Variants in SLC9A9 observed in about 807,000 individuals in gnomAD.
SLC9A9 encodes solute carrier family 9 member A9.
SLC9A9 carries 62 observed loss-of-function variants against 77.8 expected under a neutral mutation model. The ratio of observed to expected loss-of-function variants is 0.80; its 90% CI spans 0.65 to 0.98. The LOEUF is 0.98. SLC9A9 is among the 50% of genes least tolerant of loss of function. The pLI is 0.00. For synonymous variants in SLC9A9, 320 were observed against 283.5 expected (o/e 1.13, Z -1.29); for missense variants, 775 against 774.9 (o/e 1.00, Z 0.00).
At chr3:143,664,018 C>A (rs2039022128) in intron 5 of SLC9A9, among the ~76,000 whole-genome samples, 1 of 151,964 alleles carries the variant, frequency 6.6e-6, no homozygotes, top group Admixed American at 6.6e-5. Context: ...AACCCCGAGA[C>A]ACGTAATTGT....
intron 14 of SLC9A9, among the ~76,000 whole-genome samples, chr3:143,312,531 G>A (rs2031053529): frequency 6.6e-6 from 1 of 152,202 alleles, no homozygotes; most frequent in African/African-American, 2.4e-5. Flanking sequence ...AGGGTGAGAT[G>A]GGATCCAGTG....
chr3:143,312,485 G>A (rs1266140341), intron 14 of SLC9A9, among the ~76,000 whole-genome samples: 3 of 152,248 alleles, frequency 2.0e-5, no homozygotes, highest in Admixed American at 1.3e-4. Context: ...CAGTGGGCAT[G>A]GCCCTTCCAA....
At chr3:143,685,004 C>A (rs758752916) in intron 5 of SLC9A9, among the ~76,000 whole-genome samples, 20 of 151,940 alleles carry the variant, frequency 1.3e-4, no homozygotes, top group Admixed American at 5.3e-4. Flanking sequence ...TACAGTATTT[C>A]TATTAAGGGT....
intron 12 of SLC9A9, among the ~76,000 whole-genome samples, chr3:143,409,560 GATTAAGCAA>G (rs1258660801): frequency 6.6e-6 from 1 of 152,180 alleles, no homozygotes; most frequent in East Asian, 1.9e-4. Context: ...AGTGGTAGAG[GATTAAGCAA>G]ATATACTTTG....
intron 14 of SLC9A9, among the ~76,000 whole-genome samples, chr3:143,299,136 A>G (rs940221572): frequency 2.0e-5 from 3 of 152,186 alleles, no homozygotes; most frequent in Admixed American, 1.3e-4. Context: ...AAGTGGGTTG[A>G]AAATGTGGAA....
intron 14 of SLC9A9, among the ~76,000 whole-genome samples, chr3:143,343,143 T>C (rs2032158310): frequency 6.6e-6 from 1 of 152,132 alleles, no homozygotes; most frequent in African/African-American, 2.4e-5. Flanking sequence ...GAGATAATGG[T>C]TTTGATTGTG....
intron 13 of SLC9A9, among the ~76,000 whole-genome samples, chr3:143,374,898 T>C (rs1038651205): frequency 6.6e-6 from 1 of 152,172 alleles, no homozygotes; most frequent in Non-Finnish European, 1.5e-5. Context: ...TATGTACCCA[T>C]TAACCATCCC....
intron 14 of SLC9A9, among the ~76,000 whole-genome samples, chr3:143,319,854 T>C (rs2031354192): frequency 6.6e-6 from 1 of 152,184 alleles, no homozygotes; most frequent in Non-Finnish European, 1.5e-5. Flanking sequence ...CAAGGTCTGG[T>C]GGGACTAGGG....
At chr3:143,464,099 T>A (rs888943504) in intron 12 of SLC9A9, among the ~76,000 whole-genome samples, 2 of 152,172 alleles carry the variant, frequency 1.3e-5, no homozygotes, top group African/African-American at 4.8e-5. Context: ...GATAAACAAA[T>A]CACATTCCAA....
intron 14 of SLC9A9, among the ~76,000 whole-genome samples, chr3:143,276,058 A>T (rs1410982023): frequency 2.2e-5 from 3 of 137,206 alleles, no homozygotes; most frequent in African/African-American, 1.1e-4. Context: ...GTCTCTACTG[A>T]CCCTATCCTG....
chr3:143,848,201 A>G lies in SLC9A9; in HGVS notation c.122T>C (p.Phe41Ser), dbSNP rs770170153. The G allele has an allele frequency of 6.2e-7, 1 of 1,614,018 alleles. No individual in the cohort carries two copies. Among genetic ancestry groups the G allele is most frequent in the Non-Finnish European group, 8.5e-7 (1 of 1,179,930 alleles). ...LILTILTIWL[F>S]KNHRFRFLHE... ...CAAGAAGCGGAATCGATGATTTTTA[A>G]ATAACCAGATTGTCAAAATGGTAAG... Residue 41 changes from phenylalanine (F) to serine (S), a missense_variant, in exon 1 of 16, where the codon TTT becomes TCT. Physicochemically the swap from Phe to Ser is radical, Grantham distance 155. Coordinates refer to ENST00000316549, the MANE Select transcript of SLC9A9 (RefSeq NM_173653.4).
intron 5 of SLC9A9, among the ~76,000 whole-genome samples, chr3:143,668,261 C>G (rs1451920098): frequency 6.9e-6 from 1 of 144,658 alleles, no homozygotes; most frequent in Non-Finnish European, 1.5e-5. Flanking sequence ...TGCTCTCACT[C>G]GTAGGTGGGA....
In SLC9A9 at chr3:143,265,914, A is replaced by G. The variant is rs1238889990; in HGVS notation, c.*788T>C. The G allele has an allele frequency of 3.2e-6, 2 of 629,228 alleles. No individual in the cohort carries two copies. Among genetic ancestry groups the G allele is most frequent in the African/African-American group, 3.6e-5 (2 of 54,880 alleles). 39.0% of individuals were successfully genotyped at this position (629,228 alleles called of 1,614,324 possible). The stretch of plus-strand genomic sequence containing the variant: ...GGAGGGGGGGACCTGCTGCACAGCC[A>G]AGAAGTGACTCACATGCAGGCAAGG... On this transcript the variant is annotated 3_prime_UTR_variant, in exon 16 of 16. Coordinates refer to ENST00000316549, the MANE Select transcript of SLC9A9 (RefSeq NM_173653.4).
intron 14 of SLC9A9, among the ~76,000 whole-genome samples, chr3:143,323,074 A>G (rs533024494): frequency 5.3e-5 from 8 of 152,222 alleles, no homozygotes; most frequent in Non-Finnish European, 1.2e-4. Flanking sequence ...ATAGACAAAA[A>G]TAACAAATGT....
chr3:143,606,685 C>A (rs1042285754), intron 6 of SLC9A9, among the ~76,000 whole-genome samples: 18 of 150,398 alleles, frequency 1.2e-4, no homozygotes, highest in Non-Finnish European at 1.8e-4. Context: ...AAACCATAGG[C>A]AATAAAATTG....
chr3:143,589,052 C>A (rs568210035), intron 6 of SLC9A9, among the ~76,000 whole-genome samples: 1 of 152,266 alleles, frequency 6.6e-6, no homozygotes, highest in Non-Finnish European at 1.5e-5. Flanking sequence ...TAATCATAAA[C>A]AGGTGCAAGC....
At chr3:143,745,410 A>G (rs1935177661) in intron 4 of SLC9A9, among the ~76,000 whole-genome samples, 1 of 152,218 alleles carries the variant, frequency 6.6e-6, no homozygotes, top group African/African-American at 2.4e-5. Flanking sequence ...GGCTGTACTC[A>G]TTTTAAAGCA....
intron 4 of SLC9A9, among the ~76,000 whole-genome samples, chr3:143,726,695 A>G (rs1302314131): frequency 6.6e-6 from 1 of 152,068 alleles, no homozygotes; most frequent in African/African-American, 2.4e-5. Context: ...AGAGTTCTAA[A>G]ATGTATTGAC....
At chr3:143,559,380 T>C (rs2037042804) in intron 8 of SLC9A9, among the ~76,000 whole-genome samples, 1 of 152,156 alleles carries the variant, frequency 6.6e-6, no homozygotes. Context: ...TATGGTAGAG[T>C]AGCTACTGCG....
Sources: gnomAD v4.1 joint callset for allele counts (sites outside exome capture counted in the v4.1 genomes callset) on GRCh38, gnomAD v4.1.1 for gene constraint, MANE v1.5 for transcripts, NCBI Gene and HGNC (gene_info 2026-07-23, HGNC 2026-07-21) for gene names.